The following TTC28 variants were observed in gnomAD, a reference collection of about 807,000 sequenced individuals.
TTC28 encodes tetratricopeptide repeat domain 28.
A neutral mutation model predicts 198.0 loss-of-function variants in TTC28; 61 were observed. The observed-to-expected ratio is 0.31, with a 90% CI of 0.25 to 0.38. TTC28 has a LOEUF of 0.38. Among genes scored for constraint, TTC28 ranks in the 10% least tolerant of loss-of-function variants. The pLI, the probability that TTC28 is intolerant of heterozygous loss-of-function variation, is 1.00. For synonymous variants in TTC28, 1,171 were observed against 1,297.8 expected, an observed-to-expected ratio of 0.90 and a Z score of 2.10; for missense variants, 2,678 against 3,164.0, an observed-to-expected ratio of 0.85 and a Z score of 3.69.
At chr22:28,169,312 C>T (rs1922391376) in intron 5 of TTC28, among the ~76,000 whole-genome samples, 2 of 152,124 alleles carry the variant, frequency 1.3e-5, no homozygotes, top group Non-Finnish European at 2.9e-5. Context: ...ACCCAGCCAT[C>T]CGATTACTGG....
intron 2 of TTC28, among the ~76,000 whole-genome samples, chr22:28,500,922 CTAT>C (rs1469051178): frequency 6.6e-6 from 1 of 152,156 alleles, no homozygotes; most frequent in African/African-American, 2.4e-5. Context: ...GTTGACTTCT[CTAT>C]TATATTTGCC....
rs563359776 is a variant in TTC28 at position 28,524,441 on chromosome 22, C to T, written c.381+105111G>A. Among the ~76,000 whole-genome samples, 25 of 136,916 alleles carry T rather than the reference C, an allele frequency of 1.8e-4. 1 individual carries two copies. In the South Asian group the frequency reaches 5.7e-3, roughly 31 times the overall value. The allele number at this position is 136,916 out of a possible 152,430, so 89.8% of individuals were successfully genotyped here. The stretch of plus-strand genomic sequence containing the variant: ...CGCCACTGCACTCCAGCCTGGGCGA[C>T]AGAGCCAGAAGCCAGCTCAAAAAAA... On this transcript the variant is annotated intron_variant, in intron 2 of 22. Coordinates refer to ENST00000397906, the MANE Select transcript of TTC28 (RefSeq NM_001145418.2).
At chr22:28,233,996 T>C (rs375708291) in intron 5 of TTC28, among the ~76,000 whole-genome samples, 15 of 150,954 alleles carry the variant, frequency 9.9e-5, no homozygotes, top group African/African-American at 3.7e-4. Flanking sequence ...AATCTCCGCC[T>C]CCCGGGTTCA....
At chr22:28,495,292 A>G (rs991922199) in intron 2 of TTC28, among the ~76,000 whole-genome samples, 2 of 152,180 alleles carry the variant, frequency 1.3e-5, no homozygotes, top group African/African-American at 2.4e-5. Context: ...ATTTCAGAAC[A>G]CTGAAGACAA....
intron 5 of TTC28, among the ~76,000 whole-genome samples, chr22:28,191,485 G>A (rs1924744875): frequency 6.6e-6 from 1 of 152,230 alleles, no homozygotes; most frequent in Admixed American, 6.5e-5. Flanking sequence ...CGGAGGCAGG[G>A]CGAGGCATCG....
chr22:28,467,208 C>T (rs1282949807), intron 2 of TTC28, among the ~76,000 whole-genome samples: 2 of 152,166 alleles, frequency 1.3e-5, no homozygotes, highest in Admixed American at 1.3e-4. Flanking sequence ...CTCACTTGAG[C>T]CCAGGAATTT....
rs533986513 is a variant in TTC28 at position 28,165,887 on chromosome 22, T to C, written c.934-2288A>G. ...CAATTAAAAGACACAGACTGGCAAA[T>C]TGGATAAAGAGTCAAGACCCATCAG... On this transcript the variant is annotated intron_variant, in intron 5 of 22. Coordinates refer to ENST00000397906, the MANE Select transcript of TTC28 (RefSeq NM_001145418.2). Among the ~76,000 whole-genome samples, 17 of 152,100 alleles carry C rather than the reference T, an allele frequency of 1.1e-4. No homozygotes were observed. In the South Asian group the frequency reaches 1.5e-3, roughly 13 times the overall value.
chr22:28,022,420 C>T (rs915380668), intron 13 of TTC28, among the ~76,000 whole-genome samples: 2 of 152,244 alleles, frequency 1.3e-5, no homozygotes, highest in African/African-American at 4.8e-5. Flanking sequence ...GTCTTTATTG[C>T]GCATATTCAC....
At chr22:28,072,256 G>A (rs1941017535) in intron 12 of TTC28, among the ~76,000 whole-genome samples, 1 of 152,190 alleles carries the variant, frequency 6.6e-6, no homozygotes, top group South Asian at 2.1e-4. Flanking sequence ...CAGAGAAGGT[G>A]TGGTTTATTC....
chr22:28,429,227 T>C (rs1380272352), intron 2 of TTC28, among the ~76,000 whole-genome samples: 1 of 152,226 alleles, frequency 6.6e-6, no homozygotes, highest in Admixed American at 6.5e-5. Context: ...CTCGAGTCAC[T>C]TGCAGCTTTT....
intron 3 of TTC28, among the ~76,000 whole-genome samples, chr22:28,304,285 A>G (rs923315402): frequency 3.5e-5 from 5 of 143,658 alleles, no homozygotes; most frequent in African/African-American, 1.3e-4. Flanking sequence ...ACTCCATCTC[A>G]AAAAAAAAAA....
chr22:28,112,319 G>A (rs1942505874), intron 6 of TTC28, among the ~76,000 whole-genome samples: 1 of 152,130 alleles, frequency 6.6e-6, no homozygotes, highest in African/African-American at 2.4e-5. Context: ...TAGTTAATAG[G>A]GAGCAGTCGG....
At chr22:28,215,518 A>C (rs1041613793) in intron 5 of TTC28, among the ~76,000 whole-genome samples, 2 of 152,224 alleles carry the variant, frequency 1.3e-5, no homozygotes, top group African/African-American at 4.8e-5. Flanking sequence ...CTTCTGTATA[A>C]AAATAACTTC....
At chr22:28,615,601 A>G (rs1170158648) in intron 2 of TTC28, among the ~76,000 whole-genome samples, 2 of 152,308 alleles carry the variant, frequency 1.3e-5, no homozygotes, top group East Asian at 1.9e-4. Flanking sequence ...TACACCATGG[A>G]ATACTACACA....
At chr22:28,550,965 C>T (rs1439510270) in intron 2 of TTC28, among the ~76,000 whole-genome samples, 4 of 151,900 alleles carry the variant, frequency 2.6e-5, no homozygotes, top group South Asian at 2.1e-4. Context: ...AAGACAAAGA[C>T]GGACATTATA....
chr22:28,364,734 T>G (rs114358501), intron 2 of TTC28, among the ~76,000 whole-genome samples: 2,455 of 152,262 alleles, frequency 0.016, 88 homozygotes, highest in African/African-American at 0.057. Context: ...AGAACTAGAA[T>G]TAGAAGTGGA....
chr22:28,200,509 T>G (rs1025151781), intron 5 of TTC28, among the ~76,000 whole-genome samples: 6 of 151,960 alleles, frequency 3.9e-5, no homozygotes, highest in Non-Finnish European at 8.8e-5. Context: ...GAGTGAGAGA[T>G]AGTGTTGGTA....
chr22:28,236,757 G>A (rs1057098942), intron 5 of TTC28, among the ~76,000 whole-genome samples: 6 of 152,174 alleles, frequency 3.9e-5, no homozygotes, highest in South Asian at 2.1e-4. Flanking sequence ...TACGTTCAGA[G>A]AAAGGAACCA....
In TTC28 at chr22:28,519,890, G is replaced by GT. The variant is rs1442868168; in HGVS notation, c.381+109661dup. Among the ~76,000 whole-genome samples the GT allele has an allele frequency of 2.0e-5, 3 of 152,160 alleles. No homozygotes were observed. In the East Asian group the frequency reaches 5.8e-4, roughly 29 times the overall value. ...GCTGAATAACACACACAAGTAAAAT[G>GT]TAACACATTCAAGTGTTGACAGTTA... On this transcript the variant is annotated intron_variant, in intron 2 of 22. Transcript: ENST00000397906.
Sources: allele counts gnomAD v4.1 joint callset (sites outside exome capture counted in the v4.1 genomes callset), GRCh38; gene constraint gnomAD v4.1.1; transcripts MANE v1.5; gene names NCBI Gene and HGNC (gene_info 2026-07-23, HGNC 2026-07-21).